Variants in TFEC observed in about 807,000 individuals in gnomAD.
The protein encoded by TFEC is transcription factor EC, also known as class E basic helix-loop-helix protein 34.
A neutral mutation model predicts 41.6 loss-of-function variants in TFEC; 31 were observed. That is an observed-to-expected ratio of 0.74 (90% CI 0.56 to 1.01). The LOEUF is 1.01. TFEC is among the 50% of genes least tolerant of loss of function. TFEC has a pLI of 0.00. For synonymous variants in TFEC, 143 were observed against 140.6 expected (o/e 1.02, Z -0.12); for missense variants, 402 against 404.1 (o/e 0.99, Z 0.04).
upstream of TFEC, among the ~76,000 whole-genome samples, chr7:116,033,686 A>G (rs542471020): frequency 3.3e-5 from 5 of 152,056 alleles, no homozygotes; most frequent in South Asian, 4.1e-4. Flanking sequence ...ACCCAAGACC[A>G]CCACCTAGCA....
intron 3 of TFEC, among the ~76,000 whole-genome samples, chr7:116,067,937 T>C (rs1364390049): frequency 6.6e-6 from 1 of 151,794 alleles, no homozygotes; most frequent in African/African-American, 2.4e-5. Context: ...AGCCTATACC[T>C]CCCTGAAAAT....
chr7:116,066,314 T>C (rs1426496347), intron 3 of TFEC, among the ~76,000 whole-genome samples: 1 of 152,162 alleles, frequency 6.6e-6, no homozygotes, highest in East Asian at 1.9e-4. Flanking sequence ...GCTGCATTTC[T>C]GATTAGAAAT....
chr7:115,975,641 A>T (rs1793344552), intron 2 of TFEC, among the ~76,000 whole-genome samples: 1 of 152,166 alleles, frequency 6.6e-6, no homozygotes, highest in Non-Finnish European at 1.5e-5. Context: ...TCTTAAGGAA[A>T]CAGACCCATA....
chr7:116,051,077 C>T (rs1210187054), intron 3 of TFEC, among the ~76,000 whole-genome samples: 6 of 151,850 alleles, frequency 4.0e-5, no homozygotes, highest in Non-Finnish European at 8.8e-5. Flanking sequence ...TGTCCTCGCT[C>T]ATAGGTGGGA....
intron 3 of TFEC, among the ~76,000 whole-genome samples, chr7:116,090,540 T>C (rs893321842): frequency 1.3e-5 from 2 of 152,148 alleles, no homozygotes; most frequent in South Asian, 2.1e-4. Flanking sequence ...ACCTACAGTA[T>C]GGCTTCTCCC....
At chr7:115,998,462 T>A (rs931070467) in intron 1 of TFEC, among the ~76,000 whole-genome samples, 1 of 149,852 alleles carries the variant, frequency 6.7e-6, no homozygotes, top group Non-Finnish European at 1.5e-5. Context: ...AATGCAAGAG[T>A]ACTTTCTTCC....
intron 1 of TFEC, among the ~76,000 whole-genome samples, chr7:116,009,583 G>T (rs1584689890): frequency 1.3e-5 from 2 of 152,010 alleles, no homozygotes; most frequent in East Asian, 1.9e-4. Context: ...TATTAGGGGA[G>T]ATAAATATTT....
intron 1 of TFEC, among the ~76,000 whole-genome samples, chr7:116,112,623 A>T (rs140482061): frequency 1.8e-4 from 28 of 152,142 alleles, no homozygotes; most frequent in Non-Finnish European, 3.2e-4. Flanking sequence ...ATGTTTCTAG[A>T]AAGAGACTAA....
chr7:116,112,058 G>A (rs1584531341), intron 1 of TFEC: 1 of 974,448 alleles, frequency 1.0e-6, no homozygotes, highest in Non-Finnish European at 1.2e-6. Flanking sequence ...AAAAAAAAGA[G>A]AGAAGTTACT....
intron 1 of TFEC, among the ~76,000 whole-genome samples, chr7:116,147,722 G>A (rs913071832): frequency 3.9e-5 from 6 of 152,066 alleles, no homozygotes; most frequent in African/African-American, 1.4e-4. Context: ...ATGGAAGAGT[G>A]GAAAGTAATA....
At chr7:115,952,840 GC>G (rs1233166380) in intron 5 of TFEC, among the ~76,000 whole-genome samples, 1 of 152,084 alleles carries the variant, frequency 6.6e-6, no homozygotes, top group Non-Finnish European at 1.5e-5. Flanking sequence ...TTTAGAGGAA[GC>G]ACTCTTGCCT....
At chr7:115,977,749 A>T (rs1028607503) in intron 2 of TFEC, among the ~76,000 whole-genome samples, 1 of 152,050 alleles carries the variant, frequency 6.6e-6, no homozygotes, top group South Asian at 2.1e-4. Flanking sequence ...ATTTCTATAG[A>T]TAAGTACATA....
At chr7:115,961,329 T>A (rs188030136) in intron 3 of TFEC, among the ~76,000 whole-genome samples, 196 of 151,610 alleles carry the variant, frequency 1.3e-3, no homozygotes, top group Non-Finnish European at 2.3e-3. Context: ...AACCTCAAAG[T>A]TTAAGATGAA....
chr7:116,109,788 C>T (rs570397466), intron 3 of TFEC, among the ~76,000 whole-genome samples: 5 of 152,240 alleles, frequency 3.3e-5, no homozygotes, highest in South Asian at 4.2e-4. Flanking sequence ...ATGTTTATTG[C>T]GGCACCATTC....
chr7:116,048,369 G>A (rs186871834), intron 3 of TFEC, among the ~76,000 whole-genome samples: 1 of 152,344 alleles, frequency 6.6e-6, no homozygotes, highest in East Asian at 1.9e-4. Flanking sequence ...TTAATTGGAA[G>A]AAAGGTTATC....
intron 1 of TFEC, among the ~76,000 whole-genome samples, chr7:116,008,557 A>G (rs1269738204): frequency 6.6e-6 from 1 of 152,182 alleles, no homozygotes; most frequent in Non-Finnish European, 1.5e-5. Flanking sequence ...AGAGGTATAT[A>G]AGAGGAAATC....
intron 3 of TFEC, among the ~76,000 whole-genome samples, chr7:116,099,874 T>C (rs973194180): frequency 1.6e-4 from 24 of 152,226 alleles, no homozygotes; most frequent in Admixed American, 1.4e-3. Flanking sequence ...AATGGGTTAA[T>C]CCAATTGTGT....
chr7:116,061,174 A>G (rs139456227), intron 3 of TFEC, among the ~76,000 whole-genome samples: 4,666 of 152,276 alleles, frequency 0.031, 88 homozygotes, highest in Non-Finnish European at 0.038. Context: ...ATGGAAAAAT[A>G]AGATAAAGGT....
chr7:115,992,859 C>T (rs991960512), intron 1 of TFEC, among the ~76,000 whole-genome samples: 1 of 152,120 alleles, frequency 6.6e-6, no homozygotes, highest in African/African-American at 2.4e-5. Flanking sequence ...TTTTATGAGG[C>T]CAGCATCATC....
Sources: allele counts gnomAD v4.1 joint callset (sites outside exome capture counted in the v4.1 genomes callset), GRCh38; gene constraint gnomAD v4.1.1; transcripts MANE v1.5; gene names NCBI Gene and HGNC (gene_info 2026-07-23, HGNC 2026-07-21).